PKIA: variants seen among roughly 807,000 people sequenced by gnomAD.
The protein encoded by PKIA is cAMP-dependent protein kinase inhibitor alpha, also known as PKI-alpha.
Under a neutral mutation model 7.6 loss-of-function variants are expected in PKIA, and 4 were observed. The observed-to-expected ratio is 0.52, with a 90% confidence interval of 0.26 to 1.20. The LOEUF is 1.20. PKIA is among the 50% of genes most tolerant of loss of function. The probability of loss-of-function intolerance (pLI) is 0.13; values close to 1 mark genes in which losing one functional copy is unlikely to be tolerated. For synonymous variants in PKIA, 21 were observed against 30.7 expected, an observed-to-expected ratio of 0.68 and a Z score of 1.04; for missense variants, 73 against 86.2, an observed-to-expected ratio of 0.85 and a Z score of 0.61.
At chr8:78,579,453 G>A (rs994649574) in intron 2 of PKIA, among the ~76,000 whole-genome samples, 1 of 151,890 alleles carries the variant, frequency 6.6e-6, no homozygotes, top group African/African-American at 2.4e-5. Flanking sequence ...CTCGCCTCTA[G>A]AATGTTTTTC....
intron 1 of PKIA, among the ~76,000 whole-genome samples, chr8:78,517,618 C>A (rs1809340132): frequency 6.6e-6 from 1 of 152,196 alleles, no homozygotes; most frequent in African/African-American, 2.4e-5. Context: ...GCTGCCCAAT[C>A]TAAGCCTCTG....
chr8:78,575,618 T>C (rs1221269019), intron 2 of PKIA, among the ~76,000 whole-genome samples: 8 of 152,178 alleles, frequency 5.3e-5, no homozygotes, highest in African/African-American at 1.9e-4. Context: ...GCAAGATTTA[T>C]CTTAACATGT....
intron 1 of PKIA, among the ~76,000 whole-genome samples, chr8:78,554,008 C>T (rs1807060007): frequency 6.6e-6 from 1 of 151,824 alleles, no homozygotes; most frequent in South Asian, 2.1e-4. Context: ...CAGAGATGAC[C>T]CATGACACTG....
At chr8:78,596,720 T>C (rs1286856964) in intron 2 of PKIA, among the ~76,000 whole-genome samples, 1 of 152,198 alleles carries the variant, frequency 6.6e-6, no homozygotes, top group African/African-American at 2.4e-5. Context: ...CTTTTTGGAG[T>C]CTTTGACATA....
chr8:78,553,637 T>G (rs767490842), intron 1 of PKIA, among the ~76,000 whole-genome samples: 1 of 151,976 alleles, frequency 6.6e-6, no homozygotes, highest in Non-Finnish European at 1.5e-5. Context: ...TATGTTGCAC[T>G]GCCAATTTTT....
At chr8:78,563,018 C>T (rs565315856) in intron 1 of PKIA, among the ~76,000 whole-genome samples, 4 of 152,200 alleles carry the variant, frequency 2.6e-5, no homozygotes, top group Non-Finnish European at 4.4e-5. Context: ...AATCATACAT[C>T]GTTACTAACA....
intron 1 of PKIA, among the ~76,000 whole-genome samples, chr8:78,557,607 G>A (rs1807172453): frequency 6.6e-6 from 1 of 152,174 alleles, no homozygotes; most frequent in Admixed American, 6.5e-5. Flanking sequence ...TTGGCTGTCA[G>A]CTGCTAGGGG....
At position 78,604,157 on chromosome 8, in the gene PKIA, G is replaced by T. The variant is rs1257795540; in HGVS notation, c.*2336G>T. ...GAATTTTTAAGGAGAGAAGGAAAGG[G>T]TAGGAAACCAGGGCCTTGGGTTTAG... On this transcript the variant is annotated 3_prime_UTR_variant, in exon 4 of 4. Coordinates refer to ENST00000396418, the MANE Select transcript of PKIA (RefSeq NM_006823.4). 2 of 151,964 alleles carry T rather than the reference G, an allele frequency of 1.3e-5. No individual in the cohort carries two copies. Among genetic ancestry groups the T allele is most frequent in the African/African-American group, 4.8e-5 (2 of 41,412 alleles). 9.4% of individuals were successfully genotyped at this position (151,964 alleles called of 1,614,324 possible). A position where few individuals can be genotyped will look rare whatever the true frequency, so the allele number is the denominator to read the frequency against.
chr8:78,551,624 T>C (rs1806985414), intron 1 of PKIA, among the ~76,000 whole-genome samples: 1 of 152,056 alleles, frequency 6.6e-6, no homozygotes, highest in Non-Finnish European at 1.5e-5. Flanking sequence ...GTATTAGATA[T>C]ATATTTAAAT....
chr8:78,584,162 AGT>A (rs150010304), intron 2 of PKIA, among the ~76,000 whole-genome samples: 1 of 150,888 alleles, frequency 6.6e-6, no homozygotes, highest in Non-Finnish European at 1.5e-5. Flanking sequence ...AGTACTGGGA[AGT>A]GTGTGTGTGT....
At chr8:78,598,639 T>A in intron 3 of PKIA, 104 bp downstream of exon 3, 1 of 846,356 alleles carries the variant, frequency 1.2e-6, no homozygotes, top group Non-Finnish European at 1.9e-6. Flanking sequence ...TAATCTAATG[T>A]AAAGAGTTTT....
intron 1 of PKIA, among the ~76,000 whole-genome samples, chr8:78,523,048 C>T (rs553359521): frequency 6.6e-5 from 10 of 151,784 alleles, no homozygotes; most frequent in Non-Finnish European, 1.2e-4. Flanking sequence ...TCTATTGCAT[C>T]GGCCAGGAGA....
At chr8:78,535,500 T>G (rs954774840) in intron 1 of PKIA, 1 of 151,714 alleles carries the variant, frequency 6.6e-6, no homozygotes, top group East Asian at 1.9e-4. Context: ...TAGAAAATGC[T>G]TTTGCTGCTG....
At chr8:78,553,051 A>C (rs1029014215) in intron 1 of PKIA, among the ~76,000 whole-genome samples, 2 of 151,554 alleles carry the variant, frequency 1.3e-5, no homozygotes, top group African/African-American at 4.8e-5. Flanking sequence ...ATATACATTT[A>C]CATATACACA....
At chr8:78,577,642 A>C (rs551646665) in intron 2 of PKIA, among the ~76,000 whole-genome samples, 1 of 152,130 alleles carries the variant, frequency 6.6e-6, no homozygotes, top group East Asian at 1.9e-4. Flanking sequence ...ACTTCTTGAC[A>C]TAAATGTTCA....
intron 1 of PKIA, among the ~76,000 whole-genome samples, chr8:78,561,957 C>G (rs1016981543): frequency 1.3e-5 from 2 of 152,138 alleles, no homozygotes; most frequent in Admixed American, 1.3e-4. Flanking sequence ...CAAATATTTA[C>G]TGGCTTGAAT....
chr8:78,596,505 C>T (rs922056962), intron 2 of PKIA, among the ~76,000 whole-genome samples: 2 of 152,184 alleles, frequency 1.3e-5, no homozygotes, highest in Admixed American at 1.3e-4. Context: ...TCCCAGAGTG[C>T]TGGGATTACA....
chr8:78,541,085 C>T (rs923903467), intron 1 of PKIA, among the ~76,000 whole-genome samples: 1 of 152,032 alleles, frequency 6.6e-6, no homozygotes, highest in Non-Finnish European at 1.5e-5. Flanking sequence ...TTCAATTCAG[C>T]CCAACCTCAA....
At chr8:78,581,386 A>G (rs1208364997) in intron 2 of PKIA, among the ~76,000 whole-genome samples, 1 of 152,144 alleles carries the variant, frequency 6.6e-6, no homozygotes, top group Admixed American at 6.6e-5. Context: ...GGATATTTAC[A>G]TAAGCACAAA....
Sources: gnomAD v4.1 joint callset for allele counts (sites outside exome capture counted in the v4.1 genomes callset) on GRCh38, gnomAD v4.1.1 for gene constraint, MANE v1.5 for transcripts, NCBI Gene and HGNC (gene_info 2026-07-23, HGNC 2026-07-21) for gene names.